The following DEPDC5 variants were observed in gnomAD, a reference collection of about 807,000 sequenced individuals.
DEPDC5 encodes GATOR1 complex protein DEPDC5.
Under a neutral mutation model 217.3 loss-of-function variants are expected in DEPDC5, and 73 were observed. That is an observed-to-expected ratio of 0.34 (90% CI 0.28 to 0.41). DEPDC5 has a LOEUF of 0.41. Among genes scored for constraint, DEPDC5 ranks in the 10% least tolerant of loss-of-function variants. DEPDC5 has a pLI of 1.00. For synonymous variants in DEPDC5, 733 were observed against 756.7 expected (o/e 0.97, Z 0.51); for missense variants, 1,675 against 2,070.1 (o/e 0.81, Z 3.70).
At position 31,771,240 on chromosome 22, in the gene DEPDC5, A is replaced by G. The variant is rs530620695; in HGVS notation, c.413+2377A>G. On this transcript the variant is annotated intron_variant, in intron 7 of 42. Coordinates refer to ENST00000651528, the MANE Select transcript of DEPDC5 (RefSeq NM_001242896.3). ...TAATTTTTCATCATCAACTAGGTCTATTTGACCAGAATGAAATACTGATCC... is the reference window on the plus strand; with the variant it reads ...TAATTTTTCATCATCAACTAGGTCTGTTTGACCAGAATGAAATACTGATCC... Among the ~76,000 whole-genome samples, 22 of 152,274 alleles carry G rather than the reference A, an allele frequency of 1.4e-4. No homozygotes were observed. In the South Asian group the frequency reaches 3.7e-3, roughly 26 times the overall value.
chr22:31,760,177 C>T (rs947543454), intron 3 of DEPDC5, among the ~76,000 whole-genome samples: 1 of 151,976 alleles, frequency 6.6e-6, no homozygotes, highest in South Asian at 2.1e-4. Context: ...ACGCCATTCT[C>T]CTGCCTCAGC....
chr22:31,786,798 C>T (rs2085037452), intron 10 of DEPDC5, among the ~76,000 whole-genome samples: 1 of 152,052 alleles, frequency 6.6e-6, no homozygotes, highest in South Asian at 2.1e-4. Context: ...TTTGTAGAGA[C>T]AGGGTCTCGT....
intron 31 of DEPDC5, among the ~76,000 whole-genome samples, chr22:31,851,770 A>G (rs1343479478): frequency 6.6e-6 from 1 of 152,210 alleles, no homozygotes; most frequent in Admixed American, 6.5e-5. Flanking sequence ...GCTTTCCAGA[A>G]GTAACATTGA....
At chr22:31,758,758 A>G (rs1012411676) in intron 3 of DEPDC5, 125 bp downstream of exon 3, 5 of 959,766 alleles carry the variant, frequency 5.2e-6, no homozygotes, top group Non-Finnish European at 8.0e-6. Context: ...TAATTCCAGC[A>G]CTTTGGGAGG....
intron 38 of DEPDC5, among the ~76,000 whole-genome samples, chr22:31,885,020 T>C (rs1156338801): frequency 6.6e-6 from 1 of 152,210 alleles, no homozygotes; most frequent in Non-Finnish European, 1.5e-5. Flanking sequence ...TCGAGCCACC[T>C]TCATCTTCTG....
intron 24 of DEPDC5, among the ~76,000 whole-genome samples, chr22:31,829,227 T>C (rs2090401726): frequency 6.6e-6 from 1 of 152,098 alleles, no homozygotes; most frequent in African/African-American, 2.4e-5. Context: ...TGGTTAACAT[T>C]TCATTCATTA....
intron 12 of DEPDC5, among the ~76,000 whole-genome samples, chr22:31,795,686 A>G (rs2086163644): frequency 6.6e-6 from 1 of 150,922 alleles, no homozygotes; most frequent in Non-Finnish European, 1.5e-5. Context: ...CGCCTGACCC[A>G]TATGGTTCTC....
intron 33 of DEPDC5, among the ~76,000 whole-genome samples, chr22:31,869,411 T>A (rs1264238212): frequency 6.6e-6 from 1 of 151,654 alleles, no homozygotes; most frequent in Non-Finnish European, 1.5e-5. Flanking sequence ...TAAAGACTGA[T>A]GGGATTAGCC....
chr22:31,797,416 C>A (rs773722177), intron 12 of DEPDC5, among the ~76,000 whole-genome samples, 184 bp from the exon 13 acceptor site: 1 of 152,066 alleles, frequency 6.6e-6, no homozygotes, highest in African/African-American at 2.4e-5. Flanking sequence ...CATCAGATAT[C>A]GTGAGAACTC....
chr22:31,824,056 A>G (rs1269842389), intron 24 of DEPDC5, among the ~76,000 whole-genome samples: 1 of 152,254 alleles, frequency 6.6e-6, no homozygotes, highest in East Asian at 1.9e-4. Context: ...ACCTAGCTTA[A>G]GAAAGGTGTC....
intron 11 of DEPDC5, among the ~76,000 whole-genome samples, chr22:31,792,521 G>A (rs1436818685): frequency 1.4e-5 from 2 of 146,626 alleles, no homozygotes; most frequent in African/African-American, 2.5e-5. Context: ...AAGGAGAGTC[G>A]CTTGAATTCA....
intron 39 of DEPDC5, 183 bp downstream of exon 39, chr22:31,893,934 G>T: frequency 3.1e-6 from 2 of 645,956 alleles, no homozygotes; most frequent in Non-Finnish European, 2.4e-6. Flanking sequence ...AATCAAAAAA[G>T]GTAGAATCAG....
Position 31,886,838 on chromosome 22 carries a change from A to G in DEPDC5, c.4034-6744A>G, listed in dbSNP as rs1179389347. Among the ~76,000 whole-genome samples, 5 of 148,620 alleles carry G rather than the reference A, an allele frequency of 3.4e-5. No individual in the cohort carries two copies. The East Asian group carries it at 1.0e-3, about 30-fold the overall frequency. ...GTAATCCCAGCACTTTGGGAGGCCA[A>G]GGTGGGCGGATCACAAGGTCAGGAG... is the stretch of plus-strand genomic sequence containing the variant. On this transcript the variant is annotated intron_variant, in intron 38 of 42. Transcript: ENST00000651528.
intron 23 of DEPDC5, among the ~76,000 whole-genome samples, chr22:31,821,891 A>T (rs2089730079): frequency 1.3e-5 from 2 of 152,224 alleles, no homozygotes; most frequent in African/African-American, 4.8e-5. Flanking sequence ...CACACTTTGT[A>T]AACCTCAAAC....
At chr22:31,790,769 C>A (rs1189706185) in intron 10 of DEPDC5, among the ~76,000 whole-genome samples, 4 of 130,430 alleles carry the variant, frequency 3.1e-5, no homozygotes, top group Admixed American at 1.8e-4. Context: ...TTTTTTGAGA[C>A]GGAGTCTCGC....
rs186011712 is a variant in DEPDC5 at position 31,758,516 on chromosome 22, T to C, written c.59-30T>C. The C allele has an allele frequency of 3.5e-3, 5,550 of 1,604,640 alleles. 15 individuals are homozygous for C. The highest frequency in any genetic ancestry group is 4.3e-3 in the Non-Finnish European group (5,032 of 1,171,390). On this transcript the variant is annotated intron_variant, in intron 2 of 42. Transcript: ENST00000651528. ...ATACAGTGTACCTAATGAGTGTTTT[T>C]CTACTTGAAGTGGCTGAATTGTCTT...
At position 31,861,432 on chromosome 22, in the gene DEPDC5, A is replaced by G. The variant is rs1555909576; in HGVS notation, c.3329A>G (p.Gln1110Arg). ...PRTASSAFYP[Q>R]VSVDQTATPM... ...ACAGCATCGTCCGCCTTCTACCCTC[A>G]GGTTAGTCCAACTCCAGGGCTTCGC... is the stretch of plus-strand genomic sequence containing the variant. Residue 1110 changes from glutamine (Q) to arginine (R), a missense_variant and splice_region_variant, in exon 33 of 43, where the codon CAG (glutamine) becomes CGG (arginine). Transcript: ENST00000651528. The G allele has an allele frequency of 5.2e-6, 8 of 1,551,294 alleles. No individual in the cohort carries two copies. The highest frequency in any genetic ancestry group is 2.4e-5 in the East Asian group (1 of 40,890).
At chr22:31,887,654 A>G (rs935843753) in intron 38 of DEPDC5, among the ~76,000 whole-genome samples, 1 of 152,160 alleles carries the variant, frequency 6.6e-6, no homozygotes, top group Non-Finnish European at 1.5e-5. Flanking sequence ...TAGTTGTTAC[A>G]AGGAATTTCA....
chr22:31,793,595 A>G (rs1291562307), intron 12 of DEPDC5, among the ~76,000 whole-genome samples: 1 of 152,040 alleles, frequency 6.6e-6, no homozygotes, highest in East Asian at 1.9e-4. Context: ...TTTTTGAGAC[A>G]CAATTTCACT....
Sources: gnomAD v4.1 joint callset for allele counts (sites outside exome capture counted in the v4.1 genomes callset) on GRCh38, gnomAD v4.1.1 for gene constraint, MANE v1.5 for transcripts, NCBI Gene and HGNC (gene_info 2026-07-23, HGNC 2026-07-21) for gene names.